ADGB: variants seen among roughly 807,000 people sequenced by gnomAD.
The protein encoded by ADGB is calpain-7-like protein.
In ADGB, 172 loss-of-function variants were observed where a neutral mutation model predicts 210.5. The observed-to-expected ratio is 0.82, with a 90% CI of 0.72 to 0.93. The LOEUF is 0.93. Among genes scored for constraint, ADGB ranks in the 40% least tolerant of loss-of-function variants. ADGB has a pLI of 0.00. For missense variants in ADGB, 2,025 were observed against 1,964.8 expected (o/e 1.03, Z -0.58); for synonymous variants, 658 against 662.7 (o/e 0.99, Z 0.11).
intron 2 of ADGB, among the ~76,000 whole-genome samples, chr6:146,640,801 C>A (rs756416770): frequency 6.6e-6 from 1 of 151,892 alleles, no homozygotes; most frequent in East Asian, 1.9e-4. Context: ...TCATAGCCAA[C>A]GTTATACTGA....
intron 27 of ADGB, among the ~76,000 whole-genome samples, chr6:146,753,619 C>A (rs1457680920): frequency 6.6e-6 from 1 of 151,704 alleles, no homozygotes; most frequent in Non-Finnish European, 1.5e-5. Flanking sequence ...GCTGTGAATT[C>A]TAATATTGAA....
At chr6:146,636,057 G>T (rs1390178344) in intron 2 of ADGB, among the ~76,000 whole-genome samples, 1 of 152,000 alleles carries the variant, frequency 6.6e-6, no homozygotes, top group Non-Finnish European at 1.5e-5. Flanking sequence ...ATGTCCCTGA[G>T]ATTGGTGCCA....
chr6:146,655,014 C>T (rs1355044569), intron 4 of ADGB, among the ~76,000 whole-genome samples: 1 of 152,102 alleles, frequency 6.6e-6, no homozygotes, highest in South Asian at 2.1e-4. Context: ...GTTTCTCAGA[C>T]TTTTGTATTT....
chr6:146,729,585 C>A (rs779913839), intron 20 of ADGB, among the ~76,000 whole-genome samples: 1 of 151,894 alleles, frequency 6.6e-6, no homozygotes, highest in Non-Finnish European at 1.5e-5. Context: ...CAGGCATGCA[C>A]CACCACACCT....
At chr6:146,782,442 A>T (rs1200703331) in intron 30 of ADGB, among the ~76,000 whole-genome samples, 1 of 152,188 alleles carries the variant, frequency 6.6e-6, no homozygotes, top group African/African-American at 2.4e-5. Flanking sequence ...TTCTAAGATA[A>T]ATATGACTCA....
intron 1 of ADGB, among the ~76,000 whole-genome samples, chr6:146,622,532 A>G (rs552111613): frequency 8.5e-5 from 13 of 152,066 alleles, no homozygotes; most frequent in Non-Finnish European, 1.5e-4. Context: ...GCCATTTTAG[A>G]TACTCTACAT....
chr6:146,609,596 C>T (rs541365596), intron 1 of ADGB, among the ~76,000 whole-genome samples: 29 of 152,272 alleles, frequency 1.9e-4, no homozygotes, highest in African/African-American at 6.0e-4. Flanking sequence ...TCTTTCATTT[C>T]CATATTTAGC....
intron 3 of ADGB, among the ~76,000 whole-genome samples, chr6:146,649,272 A>T (rs530859933): frequency 9.9e-5 from 15 of 151,570 alleles, no homozygotes; most frequent in African/African-American, 3.4e-4. Context: ...CAGAAGATTT[A>T]TCCATTTTTA....
intron 12 of ADGB, among the ~76,000 whole-genome samples, chr6:146,698,600 C>A (rs146124960): frequency 6.6e-6 from 1 of 152,288 alleles, no homozygotes; most frequent in African/African-American, 2.4e-5. Context: ...CTGCACAGCA[C>A]TGCTAGACAA....
chr6:146,725,909 G>T (rs551759448), intron 18 of ADGB, 174 bp from the exon 19 acceptor site: 2 of 468,148 alleles, frequency 4.3e-6, no homozygotes, highest in East Asian at 3.1e-5. Context: ...TCATGATCCC[G>T]TAGGGTTCTT....
chr6:146,767,699 C>T (rs1304195323), intron 28 of ADGB, among the ~76,000 whole-genome samples: 2 of 146,896 alleles, frequency 1.4e-5, no homozygotes, highest in African/African-American at 4.9e-5. Context: ...GGTCTCAAAC[C>T]CCTGACCTCA....
At chr6:146,750,397 A>G (rs1287684545) in intron 26 of ADGB, among the ~76,000 whole-genome samples, 1 of 152,030 alleles carries the variant, frequency 6.6e-6, no homozygotes, top group Non-Finnish European at 1.5e-5. Context: ...TGTCTCTACA[A>G]AAAATAAAAA....
At chr6:146,773,765 C>T (rs967684884) in intron 29 of ADGB, among the ~76,000 whole-genome samples, 1 of 152,152 alleles carries the variant, frequency 6.6e-6, no homozygotes. Flanking sequence ...TCTTTAGATA[C>T]TCTAACAAGT....
At chr6:146,772,314 A>T (rs1777662335) in intron 29 of ADGB, among the ~76,000 whole-genome samples, 1 of 151,446 alleles carries the variant, frequency 6.6e-6, no homozygotes, top group Admixed American at 6.6e-5. Flanking sequence ...AATGCTATTG[A>T]CTAGAATTGC....
chr6:146,741,368 C>G, intron 25 of ADGB, 97 bp downstream of exon 25: 2 of 1,124,516 alleles, frequency 1.8e-6, no homozygotes, highest in Non-Finnish European at 2.5e-6. Flanking sequence ...TGTTTTTAAT[C>G]TACTTAACAG....
At chr6:146,653,579 A>G (rs1775735181) in intron 3 of ADGB, among the ~76,000 whole-genome samples, 1 of 152,070 alleles carries the variant, frequency 6.6e-6, no homozygotes, top group South Asian at 2.1e-4. Flanking sequence ...CACACACTGG[A>G]GCCTACTGGA....
At chr6:146,658,348 T>A (rs1486683543) in intron 5 of ADGB, among the ~76,000 whole-genome samples, 18 of 152,054 alleles carry the variant, frequency 1.2e-4, no homozygotes, top group Admixed American at 1.2e-3. Flanking sequence ...AAGTTTTAAA[T>A]CTGTGCAGAG....
At chr6:146,614,810 G>T (rs1780766766) in intron 1 of ADGB, among the ~76,000 whole-genome samples, 1 of 152,156 alleles carries the variant, frequency 6.6e-6, no homozygotes, top group South Asian at 2.1e-4. Flanking sequence ...CTTCTGATGG[G>T]GCCTTTGGGA....
Position 146,748,530 on chromosome 6 carries a change from C to T in ADGB, c.3365+2421C>T, listed in dbSNP as rs1777274276. 4.6e-5 allele frequency among the ~76,000 whole-genome samples: 7 copies of T among 152,128 alleles called. No homozygotes were observed. In the South Asian group the frequency reaches 1.4e-3, roughly 32 times the overall value. ...GGTTATCCTTAGCTTTTAGAAGCAT[C>T]ACGTCTATCTCTGCCAACATCTTCA... is the stretch of plus-strand genomic sequence containing the variant. On this transcript the variant is annotated intron_variant, in intron 26 of 35. Transcript: ENST00000397944.
Sources: allele counts gnomAD v4.1 joint callset (sites outside exome capture counted in the v4.1 genomes callset), GRCh38; gene constraint gnomAD v4.1.1; transcripts MANE v1.5; gene names NCBI Gene and HGNC (gene_info 2026-07-23, HGNC 2026-07-21).